Variants in CNNM3 observed in about 807,000 individuals in gnomAD.
CNNM3 encodes metal transporter CNNM3.
Under a neutral mutation model 57.1 loss-of-function variants are expected in CNNM3, and 47 were observed. The observed-to-expected ratio is 0.82, with a 90% CI of 0.65 to 1.05. CNNM3 has a LOEUF of 1.05. CNNM3 is among the 50% of genes least tolerant of loss of function. The pLI is 0.00. For missense variants in CNNM3, 957 were observed against 973.7 expected (o/e 0.98, Z 0.23); for synonymous variants, 507 against 478.2 (o/e 1.06, Z -0.79).
At chr2:96,830,115 T>C (rs1422856964) in intron 7 of CNNM3, among the ~76,000 whole-genome samples, 1 of 152,240 alleles carries the variant, frequency 6.6e-6, no homozygotes, top group Non-Finnish European at 1.5e-5. Flanking sequence ...TTTCTTGTTC[T>C]TGTTTTTCAA....
At chr2:96,818,979 C>T (rs978057759) in intron 1 of CNNM3, among the ~76,000 whole-genome samples, 2 of 152,244 alleles carry the variant, frequency 1.3e-5, no homozygotes, top group Non-Finnish European at 2.9e-5. Context: ...TGACTGAGCA[C>T]TGCCGTGTGC....
At chr2:96,830,809 G>A (rs1378537171) in intron 7 of CNNM3, among the ~76,000 whole-genome samples, 2 of 152,214 alleles carry the variant, frequency 1.3e-5, no homozygotes, top group Non-Finnish European at 2.9e-5. Flanking sequence ...CGAGTAGCTA[G>A]TGCCGCACCT....
chr2:96,833,326 T>G lies in CNNM3; in HGVS notation c.*710T>G, dbSNP rs2079637623. ...CTCTGCCCACCTGCTGAGTTGCCAC[T>G]CGCAGTGTTGTCAGTTCCCGTGTTC... On this transcript the variant is annotated 3_prime_UTR_variant, in exon 8 of 8. Transcript: ENST00000305510. The G allele has an allele frequency of 6.7e-6, 2 of 299,292 alleles. No homozygotes were observed. Among genetic ancestry groups the G allele is most frequent in the African/African-American group, 4.4e-5 (2 of 45,264 alleles). The allele number at this position is 299,292 out of a possible 1,614,324, so 18.5% of individuals were successfully genotyped here. A position where few individuals can be genotyped will look rare whatever the true frequency, so the allele number is the denominator to read the frequency against.
intron 1 of CNNM3, among the ~76,000 whole-genome samples, chr2:96,820,800 G>A (rs1267968048): frequency 6.6e-6 from 1 of 152,244 alleles, no homozygotes; most frequent in Non-Finnish European, 1.5e-5. Context: ...GGCAGAGGAT[G>A]TGGGACAGGG....
Position 96,827,893 on chromosome 2 carries a change from T to C in CNNM3, c.1682T>C (p.Ile561Thr). 6.2e-7 allele frequency: 1 copy of C among 1,611,348 alleles called. No homozygotes were observed. The highest frequency in any genetic ancestry group is 8.5e-7 in the Non-Finnish European group (1 of 1,177,898). The change falls in exon 4 of 8, where the codon ATC becomes ACC. Residue 561 changes from isoleucine to threonine, a missense_variant. Coordinates refer to ENST00000305510, the MANE Select transcript of CNNM3 (RefSeq NM_017623.5). ...CAGCCGGTGGATTACTTCATTCTCA[T>C]CCTGCAGGTAGCTGTGGGTCCCAGG... is the stretch of plus-strand genomic sequence containing the variant. ...RSQPVDYFILILQGRVEVEIG... is the reference protein window; with the variant it reads ...RSQPVDYFILTLQGRVEVEIG...
chr2:96,816,958 C>A lies in CNNM3; in HGVS notation c.681C>A (p.Gly227=). The A allele has an allele frequency of 7.6e-7, 1 of 1,315,408 alleles. No individual in the cohort carries two copies. Among genetic ancestry groups the A allele is most frequent in the Non-Finnish European group, 9.7e-7 (1 of 1,026,244 alleles). The allele number at this position is 1,315,408 out of a possible 1,614,324, so 81.5% of individuals were successfully genotyped here. Reference sequence around the variant, plus strand: ...AGCGTGCGGTGCCCGCCGTGTTGGGCAGCGCGGGGCTCGTGTTCCTGGTGG... The same window carrying A: ...AGCGTGCGGTGCCCGCCGTGTTGGGAAGCGCGGGGCTCGTGTTCCTGGTGG... The part of the protein sequence containing the change: ...AGQRAVPAVL[G]SAGLVFLVGE... Residue 227 remains glycine, a synonymous_variant, in exon 1 of 8, where the codon GGC becomes GGA. Coordinates refer to ENST00000305510, the MANE Select transcript of CNNM3 (RefSeq NM_017623.5).
At chr2:96,832,516 C>G in intron 7 of CNNM3, 36 bp from the exon 8 acceptor site, 1 of 1,613,732 alleles carries the variant, frequency 6.2e-7, no homozygotes, top group South Asian at 1.1e-5. Flanking sequence ...ACTTTACCAG[C>G]TTTGATGTTA....
intron 1 of CNNM3, among the ~76,000 whole-genome samples, chr2:96,818,142 A>G (rs927626608): frequency 6.6e-6 from 1 of 152,168 alleles, no homozygotes; most frequent in Admixed American, 6.5e-5. Flanking sequence ...GCTGGAGTGC[A>G]GTGGCCGATC....
At chr2:96,827,974 C>G in intron 4 of CNNM3, 74 bp downstream of exon 4, 1 of 1,576,378 alleles carries the variant, frequency 6.3e-7, no homozygotes, top group African/African-American at 1.3e-5. Flanking sequence ...AAGAGGGGAG[C>G]AGGGGCATGC....
chr2:96,820,129 A>T (rs1423802125), intron 1 of CNNM3, among the ~76,000 whole-genome samples: 1 of 152,188 alleles, frequency 6.6e-6, no homozygotes, highest in Non-Finnish European at 1.5e-5. Flanking sequence ...CAGCGCAGGG[A>T]GACCAGCGGT....
At chr2:96,836,500 C>CAA (rs2079692904), downstream of CNNM3, 1 of 152,164 alleles carries the variant, frequency 6.6e-6, no homozygotes, top group African/African-American at 2.4e-5. Flanking sequence ...CTCAGCCTAC[C>CAA]AAAGTGCTGG....
At chr2:96,824,097 G>C (rs937337466) in intron 1 of CNNM3, among the ~76,000 whole-genome samples, 1 of 151,972 alleles carries the variant, frequency 6.6e-6, no homozygotes, top group African/African-American at 2.4e-5. Flanking sequence ...AAATTACTTA[G>C]GTGGCTTGCA....
chr2:96,819,214 G>A (rs2079370425), intron 1 of CNNM3, among the ~76,000 whole-genome samples: 4 of 152,170 alleles, frequency 2.6e-5, no homozygotes, highest in South Asian at 2.1e-4. Flanking sequence ...AGAGCCTCGC[G>A]GTGGTAAGTA....
At chr2:96,828,422 CCTT>C (rs953183729) in intron 5 of CNNM3, 142 bp from the exon 6 acceptor site, 9 of 1,074,012 alleles carry the variant, frequency 8.4e-6, no homozygotes, top group African/African-American at 7.9e-5. Flanking sequence ...CTGTGTTTGT[CCTT>C]CTCTCCCAGC....
chr2:96,834,637 C>T lies in CNNM3; in HGVS notation c.*2021C>T, dbSNP rs2079661510. 8.0e-6 allele frequency among the ~76,000 whole-genome samples: 1 copy of T among 124,600 alleles called. No homozygotes were observed. The highest frequency in any genetic ancestry group is 7.9e-5 in the Admixed American group (1 of 12,586). 81.7% of individuals were successfully genotyped at this position (124,600 alleles called of 152,430 possible). ...GTGTTGAGATTATAGGCGTGAGCCACCGTGCCCAGATTCACAGAAGTTTCA... is the reference window on the plus strand; with the variant it reads ...GTGTTGAGATTATAGGCGTGAGCCATCGTGCCCAGATTCACAGAAGTTTCA... On this transcript the variant is annotated 3_prime_UTR_variant, in exon 8 of 8. Coordinates refer to ENST00000305510, the MANE Select transcript of CNNM3 (RefSeq NM_017623.5).
intron 2 of CNNM3, among the ~76,000 whole-genome samples, chr2:96,826,103 A>G (rs1193244062): frequency 1.3e-5 from 2 of 152,248 alleles, no homozygotes; most frequent in Non-Finnish European, 1.5e-5. Context: ...TGAGACTGCC[A>G]TAGGCATGGG....
At chr2:96,825,966 G>GTGGC (rs753823332) in intron 2 of CNNM3, among the ~76,000 whole-genome samples, 2 of 152,206 alleles carry the variant, frequency 1.3e-5, no homozygotes, top group Non-Finnish European at 2.9e-5. Flanking sequence ...TGTTAGCATG[G>GTGGC]TGGCTGAGGT....
At position 96,833,125 on chromosome 2, in the gene CNNM3, C is replaced by A. The variant is rs1190032050; in HGVS notation, c.*509C>A. Reference sequence around the variant, plus strand: ...AGATCGATGGCCTTGTCCATGTTGTCCTTTCTGGCTTCCCTGATGGTGTCA... The same window carrying A: ...AGATCGATGGCCTTGTCCATGTTGTACTTTCTGGCTTCCCTGATGGTGTCA... On this transcript the variant is annotated 3_prime_UTR_variant, in exon 8 of 8. Transcript: ENST00000305510. The A allele has an allele frequency of 2.7e-6, 2 of 752,634 alleles. No individual in the cohort carries two copies. Among genetic ancestry groups the A allele is most frequent in the East Asian group, 1.3e-4 (2 of 15,468 alleles). The allele number at this position is 752,634 out of a possible 1,614,324, so 46.6% of individuals were successfully genotyped here. A position where few individuals can be genotyped will look rare whatever the true frequency, so the allele number is the denominator to read the frequency against.
chr2:96,829,253 C>G, intron 7 of CNNM3, 119 bp downstream of exon 7: 1 of 1,323,768 alleles, frequency 7.6e-7, no homozygotes, highest in Non-Finnish European at 9.7e-7. Flanking sequence ...CTTTTCTCCC[C>G]ATCCTTTTCC....
Sources: gnomAD v4.1 joint callset for allele counts (sites outside exome capture counted in the v4.1 genomes callset) on GRCh38, gnomAD v4.1.1 for gene constraint, MANE v1.5 for transcripts, NCBI Gene and HGNC (gene_info 2026-07-23, HGNC 2026-07-21) for gene names.